CCN6: variants seen among roughly 807,000 people sequenced by gnomAD.
CCN6 encodes cellular communication network factor 6, also known as CCN family member 6.
In CCN6, 31 loss-of-function variants were observed where a neutral mutation model predicts 37.4. That is an observed-to-expected ratio of 0.83 (90% CI 0.62 to 1.12). The LOEUF is 1.12. Among genes scored for constraint, CCN6 ranks in the 50% most tolerant of loss-of-function variants. The pLI is 0.00. For missense variants in CCN6, 369 were observed against 413.8 expected (o/e 0.89, Z 0.94); for synonymous variants, 137 against 142.1 (o/e 0.96, Z 0.26).
intron 1 of CCN6, chr6:112,060,021 A>G: frequency 7.3e-7 from 1 of 1,366,054 alleles, no homozygotes; most frequent in Non-Finnish European, 9.8e-7. Context: ...CCATGAAGAT[A>G]TCTAGGGGCA....
chr6:112,060,672 C>G (rs587720254), intron 1 of CCN6, among the ~76,000 whole-genome samples: 1 of 152,016 alleles, frequency 6.6e-6, no homozygotes, highest in East Asian at 1.9e-4. Context: ...AGGGAAGATA[C>G]TTTAGAGGCC....
chr6:112,062,206 T>C, intron 2 of CCN6, among the ~76,000 whole-genome samples: 1 of 152,212 alleles, frequency 6.6e-6, no homozygotes, highest in East Asian at 1.9e-4. Flanking sequence ...TAATATGTAC[T>C]TCCTAGCTTA....
At chr6:112,055,536 C>T (rs587658660) in intron 1 of CCN6, among the ~76,000 whole-genome samples, 1 of 152,172 alleles carries the variant, frequency 6.6e-6, no homozygotes, top group African/African-American at 2.4e-5. Context: ...TAATACCTAG[C>T]ATTTACTGAA....
chr6:112,054,260 TG>T lies in CCN6; in HGVS notation c.-94del. On this transcript the variant is annotated 5_prime_UTR_variant, in exon 1 of 5. Transcript: ENST00000368666. ...GTGTGTGTTCTTGTGCAGAGGAGCG[TG>T]GGGTTTGCAGAGGAGACAGGGGAGC... The T allele has an allele frequency of 1.3e-6, 2 of 1,543,546 alleles. No homozygotes were observed. The highest frequency in any genetic ancestry group is 9.0e-7 in the Non-Finnish European group (1 of 1,115,966).
chr6:112,056,643 G>A (rs587648738), intron 1 of CCN6, among the ~76,000 whole-genome samples: 1 of 152,274 alleles, frequency 6.6e-6, no homozygotes, highest in South Asian at 2.1e-4. Context: ...AGCCTCCTGA[G>A]TAGCTGGGAC....
At chr6:112,068,538 T>C (rs1776769693) in intron 4 of CCN6, 140 bp downstream of exon 4, 4 of 828,136 alleles carry the variant, frequency 4.8e-6, no homozygotes. Context: ...AGTCAAACTA[T>C]TTCAGAGGAA....
At chr6:112,054,099 C>T (rs1344923594), upstream of CCN6, 2 of 637,632 alleles carry the variant, frequency 3.1e-6, no homozygotes, top group East Asian at 2.8e-5. Flanking sequence ...GGAAAGTGCT[C>T]GCCCATTCCT....
At chr6:112,055,789 C>G (rs375217580) in intron 1 of CCN6, among the ~76,000 whole-genome samples, 1 of 152,144 alleles carries the variant, frequency 6.6e-6, no homozygotes, top group Non-Finnish European at 1.5e-5. Context: ...AGGGTTTTGC[C>G]CTGTTGGCCA....
intron 4 of CCN6, 53 bp downstream of exon 4, chr6:112,068,451 T>C: frequency 2.7e-6 from 4 of 1,496,338 alleles, no homozygotes; most frequent in Non-Finnish European, 3.6e-6. Flanking sequence ...TCCTGAAAAG[T>C]AAGCATGTGT....
intron 2 of CCN6, among the ~76,000 whole-genome samples, chr6:112,063,621 A>G (rs1776591955): frequency 1.3e-5 from 2 of 152,194 alleles, no homozygotes; most frequent in South Asian, 4.1e-4. Flanking sequence ...CCAAAATTCT[A>G]ATTTTTCCTT....
chr6:112,063,061 G>C (rs1776573835), intron 2 of CCN6, among the ~76,000 whole-genome samples: 1 of 152,154 alleles, frequency 6.6e-6, no homozygotes, highest in South Asian at 2.1e-4. Flanking sequence ...TTTAGTAAAA[G>C]AGTGTCATTG....
chr6:112,069,263 T>C, intron 4 of CCN6, 76 bp from the exon 5 acceptor site: 1 of 1,505,872 alleles, frequency 6.6e-7, no homozygotes. Flanking sequence ...AGATTTGTAC[T>C]ATAAACTATT....
In CCN6 at chr6:112,069,396, G is replaced by C; in HGVS notation, c.841G>C (p.Val281Leu). 1.2e-6 allele frequency: 2 copies of C among 1,613,600 alleles called. No individual in the cohort carries two copies. Among genetic ancestry groups the C allele is most frequent in the Non-Finnish European group, 1.7e-6 (2 of 1,179,848 alleles). Residue 281 changes from valine to leucine, a missense_variant, in exon 5 of 5, where the codon GTC becomes CTC. Coordinates refer to ENST00000368666, the MANE Select transcript of CCN6 (RefSeq NM_198239.2). ...TFQLSKAEKF[V>L]FSGCSSTQSY... ...CCAACTCTCCAAAGCTGAAAAATTT[G>C]TCTTTTCTGGATGCTCAAGTACTCA...
At chr6:112,060,013 A>G (rs782383152) in intron 1 of CCN6, 2 of 1,365,554 alleles carry the variant, frequency 1.5e-6, no homozygotes, top group East Asian at 9.1e-5. Flanking sequence ...AGAGTGAGCC[A>G]TGAAGATATC....
intron 1 of CCN6, among the ~76,000 whole-genome samples, chr6:112,056,920 G>A (rs77669078): frequency 0.023 from 3,542 of 151,060 alleles, 151 homozygotes; most frequent in African/African-American, 0.083. Context: ...CTCCTCCTCC[G>A]TCTTTTGATG....
chr6:112,069,211 A>C (rs1461393673), intron 4 of CCN6, 128 bp from the exon 5 acceptor site: 1 of 1,070,170 alleles, frequency 9.3e-7, no homozygotes, highest in Non-Finnish European at 1.3e-6. Flanking sequence ...AGAGTGCTGG[A>C]AATCACTACA....
rs185884811 is a variant in CCN6 at position 112,056,716 on chromosome 6, C to T, written c.48+2311C>T. ...ATTTTTAGTAGAGATGGGGTTTTGC[C>T]ATGTTGGCCAGGCTAGTCTTGAACT... On this transcript the variant is annotated intron_variant, in intron 1 of 4. Coordinates refer to ENST00000368666, the MANE Select transcript of CCN6 (RefSeq NM_198239.2). Among the ~76,000 whole-genome samples the T allele has an allele frequency of 4.6e-5, 7 of 152,258 alleles. No individual in the cohort carries two copies. The East Asian group carries it at 1.2e-3, about 25-fold the overall frequency.
At chr6:112,062,267 A>G (rs587740729) in intron 2 of CCN6, among the ~76,000 whole-genome samples, 1 of 152,234 alleles carries the variant, frequency 6.6e-6, no homozygotes, top group Non-Finnish European at 1.5e-5. Flanking sequence ...CGCCTAGCAC[A>G]ATAGCTGGTA....
At chr6:112,054,971 T>A (rs902809835) in intron 1 of CCN6, 2 of 161,772 alleles carry the variant, frequency 1.2e-5, no homozygotes, top group Admixed American at 1.1e-4. Context: ...CTTGGAAATA[T>A]TTCAAGCAAC....
Sources: allele counts gnomAD v4.1 joint callset (sites outside exome capture counted in the v4.1 genomes callset), GRCh38; gene constraint gnomAD v4.1.1; transcripts MANE v1.5; gene names NCBI Gene and HGNC (gene_info 2026-07-23, HGNC 2026-07-21).